PNKD: variants seen among roughly 807,000 people sequenced by gnomAD.
PNKD encodes PNKD metallo-beta-lactamase domain containing.
A neutral mutation model predicts 45.3 loss-of-function variants in PNKD; 36 were observed. The observed-to-expected ratio is 0.80, with a 90% CI of 0.61 to 1.05. The LOEUF (loss-of-function observed/expected upper bound fraction) is 1.05. Ranked by LOEUF, PNKD falls within the 50% of genes least tolerant of loss-of-function variation. PNKD has a pLI of 0.00. For synonymous variants in PNKD, 197 were observed against 210.1 expected (o/e 0.94, Z 0.54); for missense variants, 511 against 506.6 (o/e 1.01, Z -0.08).
At chr2:218,331,389 A>G (rs1027156243) in intron 2 of PNKD, among the ~76,000 whole-genome samples, 5 of 152,018 alleles carry the variant, frequency 3.3e-5, no homozygotes, top group Non-Finnish European at 5.9e-5. Flanking sequence ...CCTGGGCAAC[A>G]AGAGCGAAGC....
At position 218,345,981 on chromosome 2, in the gene PNKD, G is replaced by T. The variant is rs999850718; in HGVS notation, c.*1000G>T. ...CCTGACACTCATCTGGCCCTTTGCA[G>T]TTTGCCAGCCATATTCCCATGTGAT... On this transcript the variant is annotated 3_prime_UTR_variant, in exon 10 of 10. Transcript: ENST00000273077. 1.3e-5 allele frequency: 2 copies of T among 152,366 alleles called. No homozygotes were observed. Among genetic ancestry groups the T allele is most frequent in the African/African-American group, 4.8e-5 (2 of 41,460 alleles). 9.4% of individuals were successfully genotyped at this position (152,366 alleles called of 1,614,324 possible).
chr2:218,279,910 C>G (rs1391527652), intron 2 of PNKD: 2 of 789,388 alleles, frequency 2.5e-6, no homozygotes, highest in African/African-American at 1.7e-5. Context: ...CTAGAGAAGA[C>G]AGGCAGCCAG....
chr2:218,324,116 T>A (rs2106276258), intron 2 of PNKD, among the ~76,000 whole-genome samples: 1 of 152,262 alleles, frequency 6.6e-6, no homozygotes, highest in East Asian at 1.9e-4. Flanking sequence ...CCCTCCTGCC[T>A]CCCTCTACCC....
intron 2 of PNKD, chr2:218,275,560 T>C: frequency 6.2e-7 from 1 of 1,613,906 alleles, no homozygotes. Flanking sequence ...AGTGATGTAG[T>C]CCTCGGGGCT....
intron 2 of PNKD, among the ~76,000 whole-genome samples, chr2:218,318,809 CG>C (rs1183071254): frequency 6.6e-6 from 1 of 151,816 alleles, no homozygotes; most frequent in East Asian, 1.9e-4. Flanking sequence ...AAGTGAAGGA[CG>C]TAAGCACAGT....
chr2:218,305,343 T>A (rs371169099), intron 2 of PNKD, among the ~76,000 whole-genome samples: 21 of 151,954 alleles, frequency 1.4e-4, no homozygotes, highest in Non-Finnish European at 2.8e-4. Flanking sequence ...TGTTTTTGCC[T>A]GTTAGTTTGT....
chr2:218,297,055 C>T (rs1693154790), intron 2 of PNKD, among the ~76,000 whole-genome samples: 1 of 152,190 alleles, frequency 6.6e-6, no homozygotes, highest in Admixed American at 6.5e-5. Flanking sequence ...CCTGTTTCTC[C>T]CCACTGGAGG....
At chr2:218,331,032 G>A (rs375885004) in intron 2 of PNKD, among the ~76,000 whole-genome samples, 5 of 152,356 alleles carry the variant, frequency 3.3e-5, no homozygotes, top group East Asian at 1.9e-4. Flanking sequence ...AGAAGAAGCC[G>A]TATCTCTGGT....
At chr2:218,270,971 T>C in intron 1 of PNKD, 1 of 319,200 alleles carries the variant, frequency 3.1e-6, no homozygotes, top group Non-Finnish European at 5.7e-6. Context: ...CTCTCAGGGC[T>C]TCAGTTTCCT....
At chr2:218,339,190 C>T (rs186911828) in intron 2 of PNKD, among the ~76,000 whole-genome samples, 136 of 152,252 alleles carry the variant, frequency 8.9e-4, no homozygotes, top group Admixed American at 2.5e-3. Context: ...AATTCCTACT[C>T]CTTCTTCCCT....
intron 2 of PNKD, among the ~76,000 whole-genome samples, chr2:218,333,065 T>A (rs557734318): frequency 1.1e-4 from 16 of 152,316 alleles, no homozygotes; most frequent in African/African-American, 3.8e-4. Flanking sequence ...CTGGGCACCC[T>A]GTCTACAGTA....
At chr2:218,299,369 T>A (rs182066535) in intron 2 of PNKD, among the ~76,000 whole-genome samples, 1 of 152,312 alleles carries the variant, frequency 6.6e-6, no homozygotes, top group African/African-American at 2.4e-5. Flanking sequence ...CTCGAACTCC[T>A]GACCTCAGGT....
At position 218,345,230 on chromosome 2, in the gene PNKD, G is replaced by A. The variant is rs1694800360; in HGVS notation, c.*249G>A. On this transcript the variant is annotated 3_prime_UTR_variant, in exon 10 of 10. Coordinates refer to ENST00000273077, the MANE Select transcript of PNKD (RefSeq NM_015488.5). ...CATCAACGGCAAGAGGAAAGGAGGGGTCTCGGGACATCTCCAGACCCTACC... is the reference window on the plus strand; with the variant it reads ...CATCAACGGCAAGAGGAAAGGAGGGATCTCGGGACATCTCCAGACCCTACC... 14 of 543,192 alleles carry A rather than the reference G, an allele frequency of 2.6e-5. No homozygotes were observed. In the South Asian group the frequency reaches 3.0e-4, roughly 12 times the overall value. The allele number at this position is 543,192 out of a possible 1,614,324, so 33.6% of individuals were successfully genotyped here.
In PNKD at chr2:218,277,692, G is replaced by A. The variant is rs757240364; in HGVS notation, c.236+6143G>A. ...AAGTCTAAGGGAAGGAGAGAGACAAGAATGAAACACTTAAAAAGGAAGGAA... is the reference window on the plus strand; with the variant it reads ...AAGTCTAAGGGAAGGAGAGAGACAAAAATGAAACACTTAAAAAGGAAGGAA... On this transcript the variant is annotated intron_variant, in intron 2 of 9. Transcript: ENST00000273077. The A allele has an allele frequency of 5.6e-6, 9 of 1,613,976 alleles. No homozygotes were observed. The Admixed American group carries it at 1.2e-4, about 21-fold the overall frequency.
At chr2:218,335,889 C>T (rs1694474616) in intron 2 of PNKD, among the ~76,000 whole-genome samples, 1 of 152,186 alleles carries the variant, frequency 6.6e-6, no homozygotes, top group African/African-American at 2.4e-5. Flanking sequence ...AGAGCGGCTG[C>T]CCCTGCTCCC....
At position 218,270,574 on chromosome 2, in the gene PNKD, G is replaced by C. The variant is rs1391955842; in HGVS notation, c.39G>C (p.Arg13=). 7 of 1,193,950 alleles carry C rather than the reference G, an allele frequency of 5.9e-6. No individual in the cohort carries two copies. Among genetic ancestry groups the C allele is most frequent in the Admixed American group, 3.7e-5 (1 of 27,122 alleles). 74.0% of individuals were successfully genotyped at this position (1,193,950 alleles called of 1,614,324 possible). A position where few individuals can be genotyped will look rare whatever the true frequency, so the allele number is the denominator to read the frequency against. The change falls in exon 1 of 10, where the codon CGG becomes CGC. Residue 13 remains arginine, a synonymous_variant. Coordinates refer to ENST00000273077, the MANE Select transcript of PNKD (RefSeq NM_015488.5). ...TAGCTGCTACGGCGCTGAAGGGCCG[G>C]GGGGCGAGAAATGCCCGCGTCCTCC... ...AVVAATALKG[R]GARNARVLRG...
chr2:218,323,274 T>C, intron 2 of PNKD: 1 of 1,536,334 alleles, frequency 6.5e-7, no homozygotes, highest in Non-Finnish European at 8.7e-7. Context: ...CAGCATGGCT[T>C]GGCAGGGCTG....
At chr2:218,274,186 G>A (rs1690988829) in intron 2 of PNKD, 1 of 154,990 alleles carries the variant, frequency 6.5e-6, no homozygotes, top group Non-Finnish European at 1.5e-5. Flanking sequence ...TACTCCTGGA[G>A]CCATACAGGG....
rs1553667801 is a variant in PNKD at position 218,315,074 on chromosome 2, C to CT, written c.237-24706dup. On this transcript the variant is annotated intron_variant, in intron 2 of 9. Transcript: ENST00000273077. ...TCTTTCTTTCTTCCTTCCTTCCTTC[C>CT]TTTCTTTCTCTCTCTCTCTCTCCTT... 8.6e-5 allele frequency among the ~76,000 whole-genome samples: 8 copies of CT among 92,934 alleles called. 1 individual carries two copies. The Admixed American group carries it at 1.2e-3, about 14-fold the overall frequency. The allele number at this position is 92,934 out of a possible 152,430, so 61.0% of individuals were successfully genotyped here.
Sources: gnomAD v4.1 joint callset for allele counts (sites outside exome capture counted in the v4.1 genomes callset) on GRCh38, gnomAD v4.1.1 for gene constraint, MANE v1.5 for transcripts, NCBI Gene and HGNC (gene_info 2026-07-23, HGNC 2026-07-21) for gene names.